Variants in MXRA8 observed in about 807,000 individuals in gnomAD.
MXRA8 encodes matrix remodeling-associated protein 8.
Under a neutral mutation model 51.4 loss-of-function variants are expected in MXRA8, and 44 were observed. The ratio of observed to expected loss-of-function variants is 0.86; its 90% CI spans 0.67 to 1.10. MXRA8 has a LOEUF of 1.10. Ranked by LOEUF, MXRA8 falls within the 50% of genes least tolerant of loss-of-function variation. The pLI, the probability that MXRA8 is intolerant of heterozygous loss-of-function variation, is 0.00. For missense variants in MXRA8, 765 were observed against 638.9 expected, an observed-to-expected ratio of 1.20 and a Z score of -2.13; for synonymous variants, 369 against 293.5, an observed-to-expected ratio of 1.26 and a Z score of -2.63.
chr1:1,358,759 C>CGTGT, upstream of MXRA8: 1 of 1,277,248 alleles, frequency 7.8e-7, no homozygotes, highest in Non-Finnish European at 1.0e-6. Flanking sequence ...GGGGTGGTGA[C>CGTGT]CGCACCCTTG....
rs1291958584 is a variant in MXRA8 at position 1,352,853 on chromosome 1, G to C, written c.*751C>G. ...AATGTAGCCCCAGCCCTAGACTCCA[G>C]CCCAGGCAGAGTCCAAGGGAGGGGT... is the stretch of plus-strand genomic sequence containing the variant. On this transcript the variant is annotated 3_prime_UTR_variant, in exon 10 of 10. Coordinates refer to ENST00000309212, the MANE Select transcript of MXRA8 (RefSeq NM_032348.4). The C allele has an allele frequency of 7.8e-6, 2 of 257,974 alleles. No individual in the cohort carries two copies. Among genetic ancestry groups the C allele is most frequent in the Non-Finnish European group, 1.5e-5 (2 of 133,150 alleles). The allele number at this position is 257,974 out of a possible 1,614,324, so 16.0% of individuals were successfully genotyped here. A position where few individuals can be genotyped will look rare whatever the true frequency, so the allele number is the denominator to read the frequency against.
At chr1:1,359,379 AT>A (rs1405552425), upstream of MXRA8, 3 of 985,368 alleles carry the variant, frequency 3.0e-6, no homozygotes, top group Non-Finnish European at 3.6e-6. Flanking sequence ...ACAAAGTCAC[AT>A]AAACAAATGC....
chr1:1,353,819 G>C (rs765799543), intron 9 of MXRA8, 29 bp downstream of exon 9: 4 of 1,549,684 alleles, frequency 2.6e-6, no homozygotes, highest in Non-Finnish European at 2.6e-6. Flanking sequence ...AGGGCTCTGA[G>C]ATGGGCTGAG....
chr1:1,355,583 C>A lies in MXRA8; in HGVS notation c.243G>T (p.Gly81=). The part of the protein sequence containing the change: ...RVLHWDLRGP[G]GGPARRLLDL... ...CCAGCAGGCGCCGCGCGGGGCCACC[C>A]CCGGGGCCGCGCAGGTCCCAGTGGA... Residue 81 remains glycine (G), a synonymous_variant, in exon 3 of 10, where the codon GGG becomes GGT. Coordinates refer to ENST00000309212, the MANE Select transcript of MXRA8 (RefSeq NM_032348.4). The A allele has an allele frequency of 3.4e-6, 5 of 1,478,636 alleles. No homozygotes were observed. The highest frequency in any genetic ancestry group is 1.3e-5 in the South Asian group (1 of 78,216). The allele number at this position is 1,478,636 out of a possible 1,614,324, so 91.6% of individuals were successfully genotyped here.
In MXRA8 at chr1:1,355,445, C is replaced by T; in HGVS notation, c.376+5G>A. 1 of 1,493,922 alleles carries T rather than the reference C, an allele frequency of 6.7e-7. No homozygotes were observed. Among genetic ancestry groups the T allele is most frequent in the Non-Finnish European group, 8.8e-7 (1 of 1,131,286 alleles). The allele number at this position is 1,493,922 out of a possible 1,614,324, so 92.5% of individuals were successfully genotyped here. ...CCCCGCGGCCCCGGTCCCCGGTCCC[C>T]GCACCGCGGATGAGCAGCGAGAAGT... On this transcript the variant is annotated splice_donor_5th_base_variant and intron_variant, in intron 3 of 9. Transcript: ENST00000309212.
chr1:1,361,083 C>T (rs1644216648), upstream of MXRA8, among the ~76,000 whole-genome samples: 1 of 151,068 alleles, frequency 6.6e-6, no homozygotes, highest in Admixed American at 6.6e-5. Flanking sequence ...CACAGACATG[C>T]GCACACACGA....
upstream of MXRA8, among the ~76,000 whole-genome samples, chr1:1,359,703 A>G (rs1219099210): frequency 1.3e-5 from 2 of 150,576 alleles, no homozygotes; most frequent in African/African-American, 5.0e-5. Context: ...GGACCGGCGT[A>G]AGGACAGAAG....
chr1:1,361,444 G>A (rs1266308779), upstream of MXRA8: 9 of 626,800 alleles, frequency 1.4e-5, no homozygotes, highest in East Asian at 2.2e-4. Flanking sequence ...GGGTCGGGGG[G>A]CGCCCAGGCT....
chr1:1,353,675 C>T (rs1008064064), intron 9 of MXRA8, 46 bp from the exon 10 acceptor site: 37 of 1,540,148 alleles, frequency 2.4e-5, no homozygotes, highest in Non-Finnish European at 3.1e-5. Flanking sequence ...CCTCCACCCT[C>T]ATCACAGTGG....
chr1:1,357,499 C>T (rs1644156287), intron 1 of MXRA8, among the ~76,000 whole-genome samples: 1 of 152,182 alleles, frequency 6.6e-6, no homozygotes, highest in African/African-American at 2.4e-5. Flanking sequence ...TGCCGCTTGC[C>T]TTAAACCCAC....
At chr1:1,361,053 CAG>C (rs199723493), upstream of MXRA8, among the ~76,000 whole-genome samples, 518 of 151,772 alleles carry the variant, frequency 3.4e-3, 13 homozygotes, top group East Asian at 0.055. Context: ...CACGGAGACA[CAG>C]ATACATGGAA....
chr1:1,354,530 G>C (rs1284035718), intron 5 of MXRA8, 21 bp from the exon 6 acceptor site: 3 of 1,608,690 alleles, frequency 1.9e-6, no homozygotes, highest in Non-Finnish European at 2.5e-6. Flanking sequence ...CGCGGGGTCG[G>C]GGCGGCGTCA....
upstream of MXRA8, chr1:1,361,180 C>T (rs758184435): frequency 1.7e-5 from 12 of 702,694 alleles, no homozygotes; most frequent in Non-Finnish European, 2.9e-5. Flanking sequence ...AGACACAGGT[C>T]CACACACAGA....
upstream of MXRA8, chr1:1,361,872 A>G (rs1432364021): frequency 1.3e-5 from 2 of 157,074 alleles, no homozygotes; most frequent in African/African-American, 4.8e-5. Flanking sequence ...GTGTTGGCCA[A>G]TCACATCCAG....
upstream of MXRA8, chr1:1,358,600 A>T (rs575634788): frequency 1.3e-6 from 2 of 1,504,386 alleles, no homozygotes; most frequent in Non-Finnish European, 1.8e-6. Context: ...ACCCGCGGTG[A>T]CATCACGGAG....
upstream of MXRA8, chr1:1,359,598 AG>A: frequency 1.0e-6 from 1 of 984,360 alleles, no homozygotes; most frequent in Non-Finnish European, 1.2e-6. Flanking sequence ...CCAAGTCCTC[AG>A]ACAGTGGGAA....
upstream of MXRA8, among the ~76,000 whole-genome samples, chr1:1,361,970 G>A (rs189785998): frequency 3.9e-5 from 6 of 152,360 alleles, no homozygotes; most frequent in East Asian, 7.7e-4. Flanking sequence ...TATGTATGCT[G>A]ACTAAATTTA....
At chr1:1,362,762 CAG>C (rs1007556361), upstream of MXRA8, among the ~76,000 whole-genome samples, 2 of 133,072 alleles carry the variant, frequency 1.5e-5, no homozygotes, top group Admixed American at 8.4e-5. Context: ...GCCTGGGAAA[CAG>C]AGTGAGACTC....
In MXRA8 at chr1:1,353,555, C is replaced by T; in HGVS notation, c.*49G>A. 1.9e-6 allele frequency: 3 copies of T among 1,542,544 alleles called. No homozygotes were observed. Among genetic ancestry groups the T allele is most frequent in the Non-Finnish European group, 2.6e-6 (3 of 1,142,686 alleles). On this transcript the variant is annotated 3_prime_UTR_variant, in exon 10 of 10. Coordinates refer to ENST00000309212, the MANE Select transcript of MXRA8 (RefSeq NM_032348.4). ...GCATCAGGAGATGCCCCGAGGAGCA[C>T]AGACAGGAGAGGTGCAGCTGCTGGC...
Sources: allele counts gnomAD v4.1 joint callset (sites outside exome capture counted in the v4.1 genomes callset), GRCh38; gene constraint gnomAD v4.1.1; transcripts MANE v1.5; gene names NCBI Gene and HGNC (gene_info 2026-07-23, HGNC 2026-07-21).